Variants in TC2N observed in about 807,000 individuals in gnomAD.
The protein encoded by TC2N is tandem C2 domains nuclear protein.
A neutral mutation model predicts 61.9 loss-of-function variants in TC2N; 51 were observed. That is an observed-to-expected ratio of 0.82 (90% CI 0.66 to 1.04). The LOEUF (loss-of-function observed/expected upper bound fraction) is 1.04. Ranked by LOEUF, TC2N falls within the 50% of genes least tolerant of loss-of-function variation. The pLI is 0.00. For synonymous variants in TC2N, 204 were observed against 192.6 expected (o/e 1.06, Z -0.49); for missense variants, 556 against 566.7 (o/e 0.98, Z 0.19).
chr14:91,816,421 A>C (rs1191424506), intron 1 of TC2N, among the ~76,000 whole-genome samples: 1 of 151,820 alleles, frequency 6.6e-6, no homozygotes, highest in Non-Finnish European at 1.5e-5. Context: ...GTAATTGTTT[A>C]TATGAATTCT....
At chr14:91,812,609 T>C (rs1886833767) in intron 2 of TC2N, 64 bp from the exon 3 acceptor site, 1 of 769,282 alleles carries the variant, frequency 1.3e-6, no homozygotes, top group African/African-American at 1.8e-5. Context: ...AATCTAAACC[T>C]AGCATACTTT....
At chr14:91,840,561 T>A (rs4904816) in intron 1 of TC2N, among the ~76,000 whole-genome samples, 49,592 of 152,104 alleles carry the variant, frequency 0.33, 8,944 homozygotes, top group Non-Finnish European at 0.4. Context: ...TTCATCATCT[T>A]TATCTGCACT....
At chr14:91,808,691 C>T (rs767843630) in intron 3 of TC2N, among the ~76,000 whole-genome samples, 21 of 152,138 alleles carry the variant, frequency 1.4e-4, no homozygotes, top group Admixed American at 8.5e-4. Context: ...CCTCATTCAA[C>T]TCAAAAAGCA....
At chr14:91,830,484 A>C (rs945247659) in intron 1 of TC2N, among the ~76,000 whole-genome samples, 3 of 152,246 alleles carry the variant, frequency 2.0e-5, no homozygotes, top group African/African-American at 7.2e-5. Context: ...TTTACATGAA[A>C]TGGCCAGAAT....
chr14:91,785,189 A>G lies in TC2N; in HGVS notation c.1335T>C (p.Ser445=), dbSNP rs377366831. The change falls in exon 11 of 12, where the codon TCT becomes TCC. Residue 445 remains serine, a synonymous_variant. Transcript: ENST00000435962. The part of the protein sequence containing the change: ...VFLIKLYSRS[S]VRRKHFVGQI... ...GGCCCACAAAGTGTTTTCTTCTTAC[A>G]GAGCTTCGACTGTAAAGCTTAATGA... The G allele has an allele frequency of 6.2e-7, 1 of 1,613,340 alleles. No individual in the cohort carries two copies. Among genetic ancestry groups the G allele is most frequent in the Non-Finnish European group, 8.5e-7 (1 of 1,179,636 alleles).
At chr14:91,793,692 T>C (rs1885766981) in intron 8 of TC2N, among the ~76,000 whole-genome samples, 1 of 152,240 alleles carries the variant, frequency 6.6e-6, no homozygotes, top group South Asian at 2.1e-4. Context: ...AATCGATAAA[T>C]ATGTGTGTTC....
At chr14:91,839,716 TC>T (rs754945638) in intron 1 of TC2N, among the ~76,000 whole-genome samples, 3 of 152,224 alleles carry the variant, frequency 2.0e-5, no homozygotes, top group Non-Finnish European at 4.4e-5. Context: ...CAAAATTATT[TC>T]CTTCCCATTT....
chr14:91,784,727 G>T (rs914977478), intron 11 of TC2N, among the ~76,000 whole-genome samples: 2 of 151,934 alleles, frequency 1.3e-5, no homozygotes, highest in Non-Finnish European at 2.9e-5. Flanking sequence ...CTGTTAAAAT[G>T]GACATGTTCT....
At chr14:91,822,470 TTA>T (rs1491062175) in intron 1 of TC2N, among the ~76,000 whole-genome samples, 1 of 151,782 alleles carries the variant, frequency 6.6e-6, no homozygotes, top group African/African-American at 2.4e-5. Context: ...ATTTCAGTTC[TTA>T]TTTTGTCTTT....
intron 4 of TC2N, among the ~76,000 whole-genome samples, 159 bp downstream of exon 4, chr14:91,802,095 C>T (rs1886278201): frequency 6.6e-6 from 1 of 152,146 alleles, no homozygotes; most frequent in African/African-American, 2.4e-5. Flanking sequence ...AGATATAATA[C>T]TACAGAGATG....
rs2139814388 is a variant in TC2N at position 91,781,659 on chromosome 14, CTA to C, written c.*1439_*1440del. 6.6e-6 allele frequency: 1 copy of C among 152,086 alleles called. No homozygotes were observed. The highest frequency in any genetic ancestry group is 2.4e-5 in the African/African-American group (1 of 41,496). The allele number at this position is 152,086 out of a possible 1,614,324, so 9.4% of individuals were successfully genotyped here. A position where few individuals can be genotyped will look rare whatever the true frequency, so the allele number is the denominator to read the frequency against. The stretch of plus-strand genomic sequence containing the variant: ...CTTAAAAATCCATGTGAGTACTGAC[CTA>C]TATGTCATTTTTTGCAAATCTAAAA... On this transcript the variant is annotated 3_prime_UTR_variant, in exon 12 of 12. Coordinates refer to ENST00000435962, the MANE Select transcript of TC2N (RefSeq NM_001128596.3).
chr14:91,801,220 A>T (rs1354100235), intron 4 of TC2N, among the ~76,000 whole-genome samples: 1 of 152,068 alleles, frequency 6.6e-6, no homozygotes, highest in Non-Finnish European at 1.5e-5. Context: ...ATTTCCCATC[A>T]CACCATGAGT....
chr14:91,792,068 G>A (rs1340304493), intron 9 of TC2N, among the ~76,000 whole-genome samples: 1 of 151,460 alleles, frequency 6.6e-6, no homozygotes, highest in South Asian at 2.1e-4. Flanking sequence ...GCAGTGAGCC[G>A]AGATCGCACC....
intron 1 of TC2N, among the ~76,000 whole-genome samples, chr14:91,820,922 C>G (rs2139877150): frequency 6.6e-6 from 1 of 151,960 alleles, no homozygotes; most frequent in African/African-American, 2.4e-5. Flanking sequence ...ACACTGCAAA[C>G]CACAAGACAT....
chr14:91,861,980 A>G (rs987864241), intron 1 of TC2N, among the ~76,000 whole-genome samples: 1 of 151,888 alleles, frequency 6.6e-6, no homozygotes, highest in Admixed American at 6.6e-5. Flanking sequence ...GTGTATATAT[A>G]TGCATTGCAT....
At chr14:91,832,390 C>CAAAAAAAA in intron 1 of TC2N, among the ~76,000 whole-genome samples, 1 of 136,376 alleles carries the variant, frequency 7.3e-6, no homozygotes, top group Non-Finnish European at 1.6e-5. Flanking sequence ...AACTCCGTCT[C>CAAAAAAAA]AAAAAAAAAA....
chr14:91,800,401 T>G, intron 4 of TC2N, 29 bp from the exon 5 acceptor site: 1 of 1,314,708 alleles, frequency 7.6e-7, no homozygotes, highest in East Asian at 2.4e-5. Context: ...AAAGTATATA[T>G]TTTTAAGAAA....
chr14:91,814,806 AAGATCTGC>A (rs1392404326), intron 1 of TC2N, among the ~76,000 whole-genome samples: 4 of 151,800 alleles, frequency 2.6e-5, no homozygotes, highest in African/African-American at 7.2e-5. Flanking sequence ...ATAGCTAATG[AAGATCTGC>A]AGTACTCTTG....
At chr14:91,791,888 G>A (rs919431627) in intron 9 of TC2N, among the ~76,000 whole-genome samples, 101 of 152,184 alleles carry the variant, frequency 6.6e-4, no homozygotes, top group Admixed American at 3.1e-3. Flanking sequence ...AGACCGAGGC[G>A]GGCAGATCAC....
Sources: gnomAD v4.1 joint callset for allele counts (sites outside exome capture counted in the v4.1 genomes callset) on GRCh38, gnomAD v4.1.1 for gene constraint, MANE v1.5 for transcripts, NCBI Gene and HGNC (gene_info 2026-07-23, HGNC 2026-07-21) for gene names.